The following RAB3GAP1 variants were observed in gnomAD, a reference collection of about 807,000 sequenced individuals.
The protein encoded by RAB3GAP1 is RAB3 GTPase activating protein catalytic subunit 1.
RAB3GAP1 carries 86 observed loss-of-function variants against 130.7 expected under a neutral mutation model. The observed-to-expected ratio is 0.66, with a 90% CI of 0.55 to 0.79. The LOEUF (loss-of-function observed/expected upper bound fraction) is 0.79, where lower values mean the gene tolerates loss of function less well. RAB3GAP1 is among the 30% of genes least tolerant of loss of function. The probability of loss-of-function intolerance (pLI) is 0.00; values close to 1 mark genes in which losing one functional copy is unlikely to be tolerated. For synonymous variants in RAB3GAP1, 367 were observed against 401.7 expected (o/e 0.91, Z 1.03); for missense variants, 1,029 against 1,169.4 (o/e 0.88, Z 1.75).
intron 3 of RAB3GAP1, among the ~76,000 whole-genome samples, chr2:135,088,040 G>A (rs1243515308): frequency 2.0e-5 from 3 of 152,168 alleles, no homozygotes; most frequent in Non-Finnish European, 4.4e-5. Flanking sequence ...CTGTTTTGGA[G>A]ACAGAACTTG....
At chr2:135,071,661 A>G (rs764730983) in intron 3 of RAB3GAP1, among the ~76,000 whole-genome samples, 2 of 152,194 alleles carry the variant, frequency 1.3e-5, no homozygotes, top group Middle Eastern at 3.2e-3. Flanking sequence ...TAAATGCAGG[A>G]TGAGGTTATG....
chr2:135,152,609 G>A (rs1035494583), intron 18 of RAB3GAP1, among the ~76,000 whole-genome samples: 11 of 152,084 alleles, frequency 7.2e-5, no homozygotes, highest in African/African-American at 2.4e-4. Flanking sequence ...GCCATGGACC[G>A]TATCATAACC....
chr2:135,086,661 C>CTTT (rs59270938), intron 3 of RAB3GAP1, among the ~76,000 whole-genome samples: 15 of 65,068 alleles, frequency 2.3e-4, no homozygotes, highest in East Asian at 4.6e-4. Flanking sequence ...TTCCCCTAAT[C>CTTT]TTTTTTTTTT....
rs1028276025 is a variant in RAB3GAP1, at chr2:135,058,089, C to G, written c.150+3C>G. Reference sequence around the variant, plus strand: ...CTTTGGGAAAGCCACTCGAAAAGGTCAGATCTATTTGCTGGTGTCTCTAAA... The same window carrying G: ...CTTTGGGAAAGCCACTCGAAAAGGTGAGATCTATTTGCTGGTGTCTCTAAA... On this transcript the variant is annotated splice_donor_region_variant and intron_variant, in intron 3 of 23. Transcript: ENST00000264158. 2 of 1,604,366 alleles carry G rather than the reference C, an allele frequency of 1.2e-6. No homozygotes were observed. Among genetic ancestry groups the G allele is most frequent in the Admixed American group, 3.3e-5 (2 of 60,006 alleles).
At chr2:135,079,457 C>G (rs1163096003) in intron 3 of RAB3GAP1, among the ~76,000 whole-genome samples, 1 of 152,182 alleles carries the variant, frequency 6.6e-6, no homozygotes. Context: ...CTTTCCATTG[C>G]CTACAGGGTA....
At chr2:135,163,135 C>A (rs1325603806) in intron 22 of RAB3GAP1, 34 bp downstream of exon 22, 1 of 1,485,128 alleles carries the variant, frequency 6.7e-7, no homozygotes. Context: ...GTTTTGTCTG[C>A]AGTAGGAAAA....
At chr2:135,081,635 A>T (rs1689823868) in intron 3 of RAB3GAP1, among the ~76,000 whole-genome samples, 1 of 151,782 alleles carries the variant, frequency 6.6e-6, no homozygotes, top group Non-Finnish European at 1.5e-5. Flanking sequence ...TTGTTTTAGG[A>T]AAGCTGCTTG....
intron 3 of RAB3GAP1, among the ~76,000 whole-genome samples, chr2:135,079,187 T>A (rs144850207): frequency 2.0e-5 from 3 of 152,276 alleles, no homozygotes; most frequent in Admixed American, 6.5e-5. Context: ...GGTTTCACCA[T>A]GTTGTCCAGG....
chr2:135,094,348 A>C (rs1445832981), intron 5 of RAB3GAP1, among the ~76,000 whole-genome samples: 1 of 151,820 alleles, frequency 6.6e-6, no homozygotes, highest in Admixed American at 6.6e-5. Context: ...TCTTTTTTTC[A>C]AAAGAAATGA....
intron 5 of RAB3GAP1, among the ~76,000 whole-genome samples, chr2:135,109,906 A>G (rs1690748923): frequency 6.6e-6 from 1 of 151,920 alleles, no homozygotes; most frequent in Non-Finnish European, 1.5e-5. Context: ...TTTGAGTGAC[A>G]TCCATCCAAG....
chr2:135,135,415 G>GTGC, intron 16 of RAB3GAP1, 96 bp downstream of exon 16: 1 of 1,447,304 alleles, frequency 6.9e-7, no homozygotes, highest in East Asian at 2.3e-5. Context: ...TGTTCTCATG[G>GTGC]TGCTGCTGTA....
rs561084384 is a variant in RAB3GAP1 at position 135,110,081 on chromosome 2, C to T, written c.363-3070C>T. 2.4e-4 allele frequency among the ~76,000 whole-genome samples: 37 copies of T among 151,904 alleles called. No homozygotes were observed. The South Asian group carries it at 4.2e-3, about 17-fold the overall frequency. ...GGGAAAAAGTAGTGACTTATATTGA[C>T]ATTTTAAAGATCATAAAGAAGAGAG... On this transcript the variant is annotated intron_variant, in intron 5 of 23. Transcript: ENST00000264158.
At chr2:135,143,514 G>C (rs1036022729) in intron 17 of RAB3GAP1, among the ~76,000 whole-genome samples, 6 of 150,962 alleles carry the variant, frequency 4.0e-5, no homozygotes, top group African/African-American at 1.5e-4. Flanking sequence ...TTTATTAGCA[G>C]CATAGGTAAT....
At chr2:135,097,552 C>G (rs1321525678) in intron 5 of RAB3GAP1, among the ~76,000 whole-genome samples, 1 of 152,066 alleles carries the variant, frequency 6.6e-6, no homozygotes, top group Non-Finnish European at 1.5e-5. Context: ...TCCCTGGAAT[C>G]CCTGATCTTT....
chr2:135,163,738 A>G (rs1276762703), intron 22 of RAB3GAP1, among the ~76,000 whole-genome samples: 1 of 152,242 alleles, frequency 6.6e-6, no homozygotes, highest in African/African-American at 2.4e-5. Context: ...TAAAGTGTTC[A>G]CAAATTAGCT....
At chr2:135,081,554 A>G (rs1689822303) in intron 3 of RAB3GAP1, among the ~76,000 whole-genome samples, 1 of 151,530 alleles carries the variant, frequency 6.6e-6, no homozygotes, top group Non-Finnish European at 1.5e-5. Flanking sequence ...GGTCACCAGC[A>G]GACCAGATAT....
intron 5 of RAB3GAP1, among the ~76,000 whole-genome samples, chr2:135,099,910 A>C (rs778638109): frequency 4.6e-5 from 7 of 152,168 alleles, no homozygotes; most frequent in Non-Finnish European, 1.0e-4. Flanking sequence ...TAGGTTATAT[A>C]GCAGAGAGAT....
At chr2:135,128,880 A>G (rs1691433380) in intron 11 of RAB3GAP1, among the ~76,000 whole-genome samples, 1 of 152,200 alleles carries the variant, frequency 6.6e-6, no homozygotes, top group African/African-American at 2.4e-5. Flanking sequence ...GCTGGGTGCA[A>G]TGGCTCATGC....
At chr2:135,054,570 TA>T (rs1245663174) in intron 2 of RAB3GAP1, among the ~76,000 whole-genome samples, 4 of 152,218 alleles carry the variant, frequency 2.6e-5, no homozygotes, top group African/African-American at 7.2e-5. Flanking sequence ...AGAATGAATG[TA>T]AGGAAGTGTC....
Sources: allele counts gnomAD v4.1 joint callset (sites outside exome capture counted in the v4.1 genomes callset), GRCh38; gene constraint gnomAD v4.1.1; transcripts MANE v1.5; gene names NCBI Gene and HGNC (gene_info 2026-07-23, HGNC 2026-07-21).